Variants in ASPG observed in about 807,000 individuals in gnomAD.
The protein encoded by ASPG is asparaginase, also known as 60 kDa lysophospholipase.
ASPG carries 53 observed loss-of-function variants against 63.2 expected under a neutral mutation model. That is an observed-to-expected ratio of 0.84 (90% CI 0.67 to 1.05). The LOEUF is 1.05. Among genes scored for constraint, ASPG ranks in the 50% least tolerant of loss-of-function variants. The probability of loss-of-function intolerance (pLI) is 0.00; values close to 1 mark genes in which losing one functional copy is unlikely to be tolerated. For synonymous variants in ASPG, 370 were observed against 355.0 expected, an observed-to-expected ratio of 1.04 and a Z score of -0.48; for missense variants, 741 against 794.4, an observed-to-expected ratio of 0.93 and a Z score of 0.81.
chr14:104,098,929 T>G lies in ASPG; in HGVS notation c.590T>G (p.Phe197Cys). Residue 197 changes from phenylalanine to cysteine, a missense_variant, in exon 6 of 16, where the codon TTC becomes TGC. Transcript: ENST00000551177. ...TKVDARRFAA[F>C]CSPNLLPLAT... ...GTAGACGCTCGGAGGTTCGCAGCTTTCTGCTCCCCGAACCTGCTGCCTCTG... is the reference window on the plus strand; with the variant it reads ...GTAGACGCTCGGAGGTTCGCAGCTTGCTGCTCCCCGAACCTGCTGCCTCTG... The G allele has an allele frequency of 6.2e-7, 1 of 1,607,668 alleles. No homozygotes were observed. The highest frequency in any genetic ancestry group is 8.5e-7 in the Non-Finnish European group (1 of 1,177,834).
chr14:104,101,778 A>G (rs1269234609), intron 6 of ASPG, among the ~76,000 whole-genome samples: 1 of 152,168 alleles, frequency 6.6e-6, no homozygotes, highest in Non-Finnish European at 1.5e-5. Flanking sequence ...GACGTGACCC[A>G]GCCACCCCAG....
chr14:104,100,180 A>G (rs924889133), intron 6 of ASPG, among the ~76,000 whole-genome samples: 1 of 152,182 alleles, frequency 6.6e-6, no homozygotes, highest in Non-Finnish European at 1.5e-5. Context: ...GAATCCCCAG[A>G]CACAGGCAAG....
chr14:104,087,096 C>T (rs1416591960), intron 1 of ASPG, among the ~76,000 whole-genome samples: 7 of 152,144 alleles, frequency 4.6e-5, no homozygotes, highest in South Asian at 2.1e-4. Context: ...ACACTGTGGC[C>T]GGTGCAGACC....
intron 1 of ASPG, among the ~76,000 whole-genome samples, chr14:104,087,761 CTG>C (rs944327043): frequency 2.6e-5 from 4 of 152,228 alleles, no homozygotes; most frequent in African/African-American, 9.6e-5. Flanking sequence ...CAGGTGGACT[CTG>C]TAACCCCACC....
intron 3 of ASPG, among the ~76,000 whole-genome samples, chr14:104,093,863 T>G: frequency 2.8e-5 from 3 of 105,932 alleles, no homozygotes; most frequent in Admixed American, 9.4e-5. Context: ...GTGGGCTGTG[T>G]TGTGTGGGCA....
chr14:104,108,435 C>T (rs925339844), intron 12 of ASPG: 1 of 985,418 alleles, frequency 1.0e-6, no homozygotes, highest in Non-Finnish European at 1.2e-6. Flanking sequence ...GGTCTCCCAG[C>T]CTCGCTCCGC....
At chr14:104,101,270 A>C (rs1389668948) in intron 6 of ASPG, among the ~76,000 whole-genome samples, 2 of 152,162 alleles carry the variant, frequency 1.3e-5, no homozygotes, top group African/African-American at 4.8e-5. Context: ...GGAGGGGCAC[A>C]GGTTGGCAGT....
intron 1 of ASPG, among the ~76,000 whole-genome samples, chr14:104,086,211 G>C (rs2036218597): frequency 6.6e-6 from 1 of 152,082 alleles, no homozygotes; most frequent in Non-Finnish European, 1.5e-5. Context: ...TCTGGACACA[G>C]AAGGCTTAGG....
intron 1 of ASPG, among the ~76,000 whole-genome samples, chr14:104,087,401 C>T (rs990997804): frequency 1.4e-4 from 21 of 152,190 alleles, no homozygotes; most frequent in African/African-American, 5.1e-4. Context: ...GCAGGATCTG[C>T]CAGGGCCCTG....
In ASPG at chr14:104,114,686, C is replaced by T. The variant is rs1320200090; in HGVS notation, c.*2142C>T. ...AGTGACCTGGCCCCAAGGCCTCTGGCTCTCTGGCGTGCAGTGGGAACAGCC... is the reference window on the plus strand; with the variant it reads ...AGTGACCTGGCCCCAAGGCCTCTGGTTCTCTGGCGTGCAGTGGGAACAGCC... On this transcript the variant is annotated 3_prime_UTR_variant, in exon 16 of 16. Transcript: ENST00000551177. 4 of 152,384 alleles carry T rather than the reference C, an allele frequency of 2.6e-5. No individual in the cohort carries two copies. Among genetic ancestry groups the T allele is most frequent in the Non-Finnish European group, 5.9e-5 (4 of 68,192 alleles). 9.4% of individuals were successfully genotyped at this position (152,384 alleles called of 1,614,324 possible).
chr14:104,086,547 A>T (rs977875040), intron 1 of ASPG, among the ~76,000 whole-genome samples: 1 of 152,182 alleles, frequency 6.6e-6, no homozygotes, highest in Non-Finnish European at 1.5e-5. Flanking sequence ...CACAGGAAGG[A>T]TGGTAGCTTG....
rs1342683988 is a variant in ASPG, at chr14:104,105,308, A to G, written c.1051-20A>G. 2 of 1,612,290 alleles carry G rather than the reference A, an allele frequency of 1.2e-6. No individual in the cohort carries two copies. Among genetic ancestry groups the G allele is most frequent in the Admixed American group, 3.3e-5 (2 of 60,002 alleles). On this transcript the variant is annotated intron_variant, in intron 9 of 15. Transcript: ENST00000551177. ...CATCCAGCCCTGGCAGAGCCACTTCACCTCTGTTCTCTCCACCAGCTGCTG... is the reference window on the plus strand; with the variant it reads ...CATCCAGCCCTGGCAGAGCCACTTCGCCTCTGTTCTCTCCACCAGCTGCTG...
In ASPG at chr14:104,111,615, C is replaced by G. The variant is rs1023080686; in HGVS notation, c.1620+14C>G. 2.6e-6 allele frequency: 4 copies of G among 1,546,214 alleles called. No individual in the cohort carries two copies. The highest frequency in any genetic ancestry group is 3.5e-6 in the Non-Finnish European group (4 of 1,144,274). ...GCCCTGCACGTCGTGAGTGCCCCCA[C>G]CCCCTGCACCCTCTCCAAAGGCTGC... is the stretch of plus-strand genomic sequence containing the variant. On this transcript the variant is annotated intron_variant, in intron 14 of 15. Transcript: ENST00000551177.
Position 104,092,729 on chromosome 14 carries a change from C to A in ASPG, c.179C>A (p.Thr60Asn). 6.5e-7 allele frequency: 1 copy of A among 1,536,262 alleles called. No homozygotes were observed. Among genetic ancestry groups the A allele is most frequent in the Non-Finnish European group, 8.7e-7 (1 of 1,146,830 alleles). Residue 60 changes from threonine (T) to asparagine (N), a missense_variant, in exon 2 of 16, where the codon ACC (threonine) becomes AAC (asparagine). Thr to Asn is a moderately conservative substitution (Grantham distance 65, BLOSUM62 0). Coordinates refer to ENST00000551177, the MANE Select transcript of ASPG (RefSeq NM_001080464.3). ...CGAGCCCGCGGCCTCTCTGAGGACA[C>A]CCTGGTGCTACCGTGAGTGTGGGCT... The part of the protein sequence containing the change: ...HARARGLSED[T>N]LVLPPASRNQ...
In ASPG at chr14:104,112,010, C is replaced by T. The variant is rs747503750; in HGVS notation, c.1701+10C>T. ...CCAGGCCCCATGCCCAGTAAGTCCC[C>T]ACCCCAGGCGGGGCTGACACCCCCC... On this transcript the variant is annotated intron_variant, in intron 15 of 15. Transcript: ENST00000551177. 1.9e-6 allele frequency: 3 copies of T among 1,551,050 alleles called. No individual in the cohort carries two copies. Among genetic ancestry groups the T allele is most frequent in the South Asian group, 2.4e-5 (2 of 83,908 alleles).
intron 4 of ASPG, 88 bp from the exon 5 acceptor site, chr14:104,097,466 G>C: frequency 7.5e-7 from 1 of 1,330,842 alleles, no homozygotes; most frequent in Non-Finnish European, 1.0e-6. Flanking sequence ...TCCTGGGCTG[G>C]GCCTGGGGGT....
intron 12 of ASPG, 68 bp downstream of exon 12, chr14:104,107,413 A>G: frequency 3.9e-6 from 5 of 1,294,302 alleles, no homozygotes; most frequent in Non-Finnish European, 5.0e-6. Flanking sequence ...GGGCTCCTGC[A>G]CTCAAACAGC....
intron 9 of ASPG, 41 bp from the exon 10 acceptor site, chr14:104,105,287 C>T: frequency 6.2e-7 from 1 of 1,612,460 alleles, no homozygotes; most frequent in Non-Finnish European, 8.5e-7. Flanking sequence ...GCTGCCCATC[C>T]AGCCCTGGCA....
chr14:104,098,939 G>A lies in ASPG; in HGVS notation c.600G>A (p.Pro200=), dbSNP rs200191130. ...DARRFAAFCS[P]NLLPLATVGA... ...GGAGGTTCGCAGCTTTCTGCTCCCC[G>A]AACCTGCTGCCTCTGGCCACAGTGG... Residue 200 remains proline (P), a synonymous_variant, in exon 6 of 16, where the codon CCG becomes CCA. Coordinates refer to ENST00000551177, the MANE Select transcript of ASPG (RefSeq NM_001080464.3). 152 of 1,603,500 alleles carry A rather than the reference G, an allele frequency of 9.5e-5. No homozygotes were observed. In the African/African-American group the frequency reaches 1.6e-3, roughly 17 times the overall value.
Sources: gnomAD v4.1 joint callset for allele counts (sites outside exome capture counted in the v4.1 genomes callset) on GRCh38, gnomAD v4.1.1 for gene constraint, MANE v1.5 for transcripts, NCBI Gene and HGNC (gene_info 2026-07-23, HGNC 2026-07-21) for gene names.